Variants in PTPRD observed in about 807,000 individuals in gnomAD.
PTPRD encodes receptor-type tyrosine-protein phosphatase delta.
A neutral mutation model predicts 214.5 loss-of-function variants in PTPRD; 34 were observed. The ratio of observed to expected loss-of-function variants is 0.16; its 90% CI spans 0.12 to 0.21. The LOEUF (loss-of-function observed/expected upper bound fraction) is 0.21, where lower values mean the gene tolerates loss of function less well. Among genes scored for constraint, PTPRD ranks in the 10% least tolerant of loss-of-function variants. The pLI, the probability that PTPRD is intolerant of heterozygous loss-of-function variation, is 1.00. For missense variants in PTPRD, 2,545 were observed against 2,398.7 expected (o/e 1.06, Z -1.27); for synonymous variants, 1,128 against 845.7 (o/e 1.33, Z -5.79).
At chr9:10,035,048 G>A (rs1380802465) in intron 3 of PTPRD, among the ~76,000 whole-genome samples, 1 of 152,118 alleles carries the variant, frequency 6.6e-6, no homozygotes, top group Non-Finnish European at 1.5e-5. Context: ...CACTGTGGTT[G>A]AACTAATTTA....
chr9:9,299,978 C>T lies in PTPRD; in HGVS notation c.-203+97471G>A, dbSNP rs145306776. Among the ~76,000 whole-genome samples the T allele has an allele frequency of 1.7e-3, 259 of 148,814 alleles. 1 individual carries two copies. The highest frequency in any genetic ancestry group is 6.1e-3 in the African/African-American group (246 of 40,410). ...GTATGTACATAGTTAACTATTATCT[C>T]GTATGCTGTTCAAATTGTAAAAAAG... On this transcript the variant is annotated intron_variant, in intron 9 of 45. Coordinates refer to ENST00000381196, the MANE Select transcript of PTPRD (RefSeq NM_002839.4).
chr9:9,560,922 G>A (rs549253569), intron 8 of PTPRD, among the ~76,000 whole-genome samples: 2 of 151,984 alleles, frequency 1.3e-5, no homozygotes, highest in African/African-American at 4.8e-5. Flanking sequence ...TTCTGGGCAC[G>A]AGCAAGCCGA....
chr9:9,175,065 A>G (rs1305878572), intron 10 of PTPRD, among the ~76,000 whole-genome samples: 4 of 152,146 alleles, frequency 2.6e-5, no homozygotes, highest in Non-Finnish European at 5.9e-5. Flanking sequence ...CCAGGAAATG[A>G]TCCCTCACCA....
At chr9:9,230,762 A>G (rs781554168) in intron 9 of PTPRD, among the ~76,000 whole-genome samples, 2 of 152,146 alleles carry the variant, frequency 1.3e-5, no homozygotes, top group Non-Finnish European at 2.9e-5. Flanking sequence ...AAGAGATGCT[A>G]TAATCAATTG....
At chr9:8,638,855 T>C (rs138600493) in intron 12 of PTPRD, among the ~76,000 whole-genome samples, 1,850 of 152,256 alleles carry the variant, frequency 0.012, 23 homozygotes, top group Middle Eastern at 0.027. Flanking sequence ...TATTTATTTA[T>C]TTATTTTAGA....
At chr9:9,956,454 GT>G (rs1370902678) in intron 4 of PTPRD, among the ~76,000 whole-genome samples, 2 of 152,062 alleles carry the variant, frequency 1.3e-5, no homozygotes, top group African/African-American at 2.4e-5. Context: ...CCAGTTCATT[GT>G]TTTTAATATG....
At chr9:8,524,537 G>C (rs1331283219) in intron 18 of PTPRD, among the ~76,000 whole-genome samples, 2 of 152,028 alleles carry the variant, frequency 1.3e-5, no homozygotes, top group South Asian at 2.1e-4. Context: ...ACAGAGAACT[G>C]ATTAGTAGCA....
chr9:9,695,121 C>G (rs1400601732), intron 7 of PTPRD, among the ~76,000 whole-genome samples: 9 of 152,152 alleles, frequency 5.9e-5, no homozygotes. Context: ...GGCATACTCT[C>G]TGGGTATCGC....
chr9:9,789,796 CAAAAAAAAAA>C (rs774579667), intron 5 of PTPRD, among the ~76,000 whole-genome samples: 12 of 40,828 alleles, frequency 2.9e-4, no homozygotes, highest in African/African-American at 5.7e-4. Flanking sequence ...AACTCTGTCT[CAAAAAAAAAA>C]AAAAAAAAAA....
chr9:8,549,650 G>C (rs997262640), intron 14 of PTPRD, among the ~76,000 whole-genome samples: 2 of 152,146 alleles, frequency 1.3e-5, no homozygotes, highest in Non-Finnish European at 2.9e-5. Flanking sequence ...ATATGAGAAA[G>C]TAATGCAACT....
chr9:9,639,890 T>C (rs377717584), intron 7 of PTPRD, among the ~76,000 whole-genome samples: 159 of 152,340 alleles, frequency 1.0e-3, no homozygotes, highest in African/African-American at 3.8e-3. Context: ...AGAACATTAT[T>C]TCTTCAAAAT....
At chr9:9,558,910 G>T (rs1449964113) in intron 8 of PTPRD, among the ~76,000 whole-genome samples, 1 of 152,160 alleles carries the variant, frequency 6.6e-6, no homozygotes, top group Non-Finnish European at 1.5e-5. Flanking sequence ...GCCTTATGTT[G>T]CATTAGGACT....
intron 24 of PTPRD, 27 bp downstream of exon 24, chr9:8,500,727 C>G (rs2136942225): frequency 6.2e-7 from 1 of 1,609,282 alleles, no homozygotes; most frequent in Non-Finnish European, 8.5e-7. Flanking sequence ...CAGAAGGGTG[C>G]AAACTGACGT....
At chr9:10,035,415 G>C (rs998156307) in intron 3 of PTPRD, among the ~76,000 whole-genome samples, 1 of 151,958 alleles carries the variant, frequency 6.6e-6, no homozygotes, top group Non-Finnish European at 1.5e-5. Context: ...TTCTTTTGCT[G>C]TGCAGAAGCT....
intron 11 of PTPRD, among the ~76,000 whole-genome samples, chr9:8,746,781 G>C (rs575439325): frequency 6.6e-6 from 1 of 152,104 alleles, no homozygotes; most frequent in Non-Finnish European, 1.5e-5. Context: ...ATCACTTGAG[G>C]TCAAGAGTTC....
chr9:8,822,798 T>A (rs1349570015), intron 11 of PTPRD, among the ~76,000 whole-genome samples: 1 of 152,060 alleles, frequency 6.6e-6, no homozygotes, highest in Non-Finnish European at 1.5e-5. Context: ...CCAATTCTGT[T>A]AAACTTCAAC....
At chr9:9,561,004 A>G (rs2082788617) in intron 8 of PTPRD, among the ~76,000 whole-genome samples, 1 of 151,998 alleles carries the variant, frequency 6.6e-6, no homozygotes, top group African/African-American at 2.4e-5. Context: ...TCTGGGTGCC[A>G]TGTGCCTGCC....
chr9:8,888,514 A>G (rs2098510585), intron 11 of PTPRD, among the ~76,000 whole-genome samples: 1 of 152,218 alleles, frequency 6.6e-6, no homozygotes, highest in Non-Finnish European at 1.5e-5. Context: ...CAAAAAGATG[A>G]CAAACATTGT....
chr9:8,690,780 T>G (rs1037942017), intron 12 of PTPRD, among the ~76,000 whole-genome samples: 1 of 152,126 alleles, frequency 6.6e-6, no homozygotes, highest in African/African-American at 2.4e-5. Flanking sequence ...CTAAGAAAAC[T>G]CTTTTAGCAA....
Sources: gnomAD v4.1 joint callset for allele counts (sites outside exome capture counted in the v4.1 genomes callset) on GRCh38, gnomAD v4.1.1 for gene constraint, MANE v1.5 for transcripts, NCBI Gene and HGNC (gene_info 2026-07-23, HGNC 2026-07-21) for gene names.